RAP1GAP2: variants seen among roughly 807,000 people sequenced by gnomAD.
RAP1GAP2 encodes the protein RAP1 GTPase activating protein 2.
Under a neutral mutation model 95.0 loss-of-function variants are expected in RAP1GAP2, and 27 were observed. The observed-to-expected ratio is 0.28, with a 90% CI of 0.21 to 0.39. RAP1GAP2 has a LOEUF of 0.39. Among genes scored for constraint, RAP1GAP2 ranks in the 10% least tolerant of loss-of-function variants. The pLI is 1.00. For synonymous variants in RAP1GAP2, 373 were observed against 380.9 expected (o/e 0.98, Z 0.24); for missense variants, 771 against 970.0 (o/e 0.79, Z 2.72).
Position 3,027,159 on chromosome 17 carries a change from T to C in RAP1GAP2, c.2107+89T>C. 6.9e-7 allele frequency: 1 copy of C among 1,448,430 alleles called. No individual in the cohort carries two copies. The highest frequency in any genetic ancestry group is 9.2e-7 in the Non-Finnish European group (1 of 1,087,426). The allele number at this position is 1,448,430 out of a possible 1,614,324, so 89.7% of individuals were successfully genotyped here. On this transcript the variant is annotated intron_variant, in intron 22 of 24. Transcript: ENST00000254695. This position sits in a 1 kb window ranked among gnomAD's most constrained non-coding sequence, Gnocchi z 5.2. ...TAGCAGGGCCCCAGCCACGCTGAAC[T>C]GGCCAGTTTTCACCCCTCCTCCCAG... is the stretch of plus-strand genomic sequence containing the variant.
Position 2,963,494 on chromosome 17 carries a change from T to C in RAP1GAP2, c.279+32T>C. Reference sequence around the variant, plus strand: ...GCCCTCCCCTCACTCCCACCTGCCCTGCAGCCTGCTCTGGGTCCCGTCCCT... The same window carrying C: ...GCCCTCCCCTCACTCCCACCTGCCCCGCAGCCTGCTCTGGGTCCCGTCCCT... On this transcript the variant is annotated intron_variant, in intron 6 of 24. Transcript: ENST00000254695. The surrounding 1 kb of genome is among the most constrained non-coding windows in gnomAD (Gnocchi z 4.8). The C allele has an allele frequency of 6.2e-7, 1 of 1,613,354 alleles. No homozygotes were observed. Among genetic ancestry groups the C allele is most frequent in the Non-Finnish European group, 8.5e-7 (1 of 1,179,412 alleles).
rs566428304 is a variant in RAP1GAP2, at chr17:2,902,478, C to G, written c.81-2806C>G. Among the ~76,000 whole-genome samples, 3 of 152,282 alleles carry G rather than the reference C, an allele frequency of 2.0e-5. No individual in the cohort carries two copies. Among genetic ancestry groups the G allele is most frequent in the East Asian group, 3.9e-4 (2 of 5,170 alleles). The stretch of plus-strand genomic sequence containing the variant: ...GTGATCCACCCCCGTCTCAGCCTCC[C>G]AAAATGGTGGGATTACAGGCATGAG... On this transcript the variant is annotated intron_variant, in intron 2 of 24. Transcript: ENST00000254695. This position sits in a 1 kb window ranked among gnomAD's most constrained non-coding sequence, Gnocchi z 4.1.
intron 3 of RAP1GAP2, among the ~76,000 whole-genome samples, chr17:2,921,108 G>T (rs2042752446): frequency 6.6e-6 from 1 of 152,186 alleles, no homozygotes; most frequent in Admixed American, 6.5e-5. Flanking sequence ...GGAGTTTCAG[G>T]CCTTGGGGTG....
intron 1 of RAP1GAP2, among the ~76,000 whole-genome samples, chr17:2,784,523 G>C (rs1190697495): frequency 6.6e-6 from 1 of 152,046 alleles, no homozygotes; most frequent in African/African-American, 2.4e-5. Flanking sequence ...CGCCCGACTC[G>C]GCATCCCAAA....
rs554538790 is a variant in RAP1GAP2, at chr17:2,910,209, G to A, written c.165+4841G>A. Among the ~76,000 whole-genome samples, 126 of 152,320 alleles carry A rather than the reference G, an allele frequency of 8.3e-4. 1 individual carries two copies. In the Middle Eastern group the frequency reaches 0.01, roughly 12 times the overall value. ...TTTAGGGCCCCCAGGCCCTGGCTTA[G>A]GGTGGGGACCTGGGACTTGTTTATG... On this transcript the variant is annotated intron_variant, in intron 3 of 24. Coordinates refer to ENST00000254695, the MANE Select transcript of RAP1GAP2 (RefSeq NM_015085.5).
chr17:2,768,692 C>CAAA (rs59118427), intron 1 of RAP1GAP2, among the ~76,000 whole-genome samples: 12 of 111,340 alleles, frequency 1.1e-4, no homozygotes, highest in East Asian at 2.7e-4. Context: ...AACTCTGTCT[C>CAAA]AAAAAAAAAA....
At chr17:2,880,601 A>C (rs1353813041) in intron 2 of RAP1GAP2, among the ~76,000 whole-genome samples, 12 of 152,092 alleles carry the variant, frequency 7.9e-5, no homozygotes, top group Admixed American at 2.6e-4. Flanking sequence ...TTCATCATCC[A>C]GATGGAAACT....
intron 19 of RAP1GAP2, among the ~76,000 whole-genome samples, 171 bp from the exon 20 acceptor site, chr17:3,025,837 C>T (rs1213158136): frequency 1.3e-5 from 2 of 152,170 alleles, no homozygotes; most frequent in Non-Finnish European, 2.9e-5. Flanking sequence ...TAGTATGCCG[C>T]CATCTCTGGG....
Position 2,957,745 on chromosome 17 carries a change from C to T in RAP1GAP2, c.166-14C>T, listed in dbSNP as rs532905641. On this transcript the variant is annotated splice_polypyrimidine_tract_variant and intron_variant, in intron 3 of 24. Coordinates refer to ENST00000254695, the MANE Select transcript of RAP1GAP2 (RefSeq NM_015085.5). Reference sequence around the variant, plus strand: ...TGATCCCTGTCTTTCTGTCCCCCTGCTTTTGTCTTTCAGTCGTCGGAGTTC... The same window carrying T: ...TGATCCCTGTCTTTCTGTCCCCCTGTTTTTGTCTTTCAGTCGTCGGAGTTC... 5.0e-6 allele frequency: 8 copies of T among 1,605,578 alleles called. No individual in the cohort carries two copies. In the East Asian group the frequency reaches 1.8e-4, roughly 37 times the overall value.
chr17:2,991,412 A>G lies in RAP1GAP2; in HGVS notation c.914+15A>G. Reference sequence around the variant, plus strand: ...GATTTCAAAGGGTGGGTTTTAGCCAAGTGACGGCTCCAGCTCCATCAACAA... The same window carrying G: ...GATTTCAAAGGGTGGGTTTTAGCCAGGTGACGGCTCCAGCTCCATCAACAA... On this transcript the variant is annotated intron_variant, in intron 12 of 24. Coordinates refer to ENST00000254695, the MANE Select transcript of RAP1GAP2 (RefSeq NM_015085.5). 1 of 1,567,096 alleles carries G rather than the reference A, an allele frequency of 6.4e-7. No individual in the cohort carries two copies. Among genetic ancestry groups the G allele is most frequent in the Non-Finnish European group, 8.7e-7 (1 of 1,148,298 alleles).
chr17:2,955,092 G>A (rs1287395670), intron 3 of RAP1GAP2, among the ~76,000 whole-genome samples: 1 of 152,222 alleles, frequency 6.6e-6, no homozygotes, highest in Admixed American at 6.5e-5. Flanking sequence ...GAATGTTTGT[G>A]TACAAGTATT....
chr17:2,793,895 G>A (rs962403722), upstream of RAP1GAP2, among the ~76,000 whole-genome samples: 1 of 152,016 alleles, frequency 6.6e-6, no homozygotes, highest in Non-Finnish European at 1.5e-5. Context: ...GAGGTCAGGA[G>A]TTCGAGACTA....
chr17:3,028,639 A>C (rs4790418), intron 22 of RAP1GAP2, among the ~76,000 whole-genome samples: 58,941 of 151,914 alleles, frequency 0.39, 12,008 homozygotes, highest in East Asian at 0.54. Flanking sequence ...GACCCTTTGC[A>C]TGCGTGTTTC....
chr17:2,978,286 C>T (rs1277732044), intron 8 of RAP1GAP2, among the ~76,000 whole-genome samples: 1 of 152,142 alleles, frequency 6.6e-6, no homozygotes, highest in Non-Finnish European at 1.5e-5. Context: ...GTGCCAGCCT[C>T]ACTCATGGGC....
chr17:2,914,672 A>G (rs1031943903), intron 3 of RAP1GAP2, among the ~76,000 whole-genome samples: 5 of 147,358 alleles, frequency 3.4e-5, no homozygotes, highest in African/African-American at 1.3e-4. Context: ...TTGTATTTTT[A>G]GTAGAGACGG....
chr17:2,864,600 G>A (rs2072548222), intron 2 of RAP1GAP2, among the ~76,000 whole-genome samples: 1 of 152,246 alleles, frequency 6.6e-6, no homozygotes, highest in Non-Finnish European at 1.5e-5. Context: ...TACGGTGTGG[G>A]GAGCAGGAGG....
At position 3,005,591 on chromosome 17, in the gene RAP1GAP2, C is replaced by G. The variant is rs895727940; in HGVS notation, c.1272+151C>G. Among the ~76,000 whole-genome samples, 2 of 152,198 alleles carry G rather than the reference C, an allele frequency of 1.3e-5. No homozygotes were observed. Among genetic ancestry groups the G allele is most frequent in the Non-Finnish European group, 1.5e-5 (1 of 68,026 alleles). ...GGGGGAACCTCCTTTCTTGGGGTCTCTCCCCACCTCTTTCATGCTGCCAGT... is the reference window on the plus strand; with the variant it reads ...GGGGGAACCTCCTTTCTTGGGGTCTGTCCCCACCTCTTTCATGCTGCCAGT... On this transcript the variant is annotated intron_variant, in intron 15 of 24. Coordinates refer to ENST00000254695, the MANE Select transcript of RAP1GAP2 (RefSeq NM_015085.5). This position sits in a 1 kb window ranked among gnomAD's most constrained non-coding sequence, Gnocchi z 5.2.
intron 2 of RAP1GAP2, among the ~76,000 whole-genome samples, chr17:2,826,004 G>T (rs551907132): frequency 7.1e-6 from 1 of 141,698 alleles, no homozygotes; most frequent in Non-Finnish European, 1.5e-5. Context: ...TTTTTGAGAC[G>T]GAGTCTTGCT....
At chr17:2,928,576 T>G (rs1222610059) in intron 3 of RAP1GAP2, among the ~76,000 whole-genome samples, 1 of 152,120 alleles carries the variant, frequency 6.6e-6, no homozygotes, top group Non-Finnish European at 1.5e-5. Flanking sequence ...GTCCTTCTCG[T>G]GGTCCCCCAG....
Sources: gnomAD v4.1 joint callset for allele counts (sites outside exome capture counted in the v4.1 genomes callset) on GRCh38, gnomAD v4.1.1 for gene constraint, Gnocchi (gnomAD v3.1) non-coding constraint, MANE v1.5 for transcripts, NCBI Gene and HGNC (gene_info 2026-07-23, HGNC 2026-07-21) for gene names.